Variants in AGBL1 observed in about 807,000 individuals in gnomAD.
The protein encoded by AGBL1 is cytosolic carboxypeptidase 4.
AGBL1 carries 130 observed loss-of-function variants against 118.9 expected under a neutral mutation model. That is an observed-to-expected ratio of 1.09 (90% CI 0.95 to 1.26). AGBL1 has a LOEUF of 1.26. Among genes scored for constraint, AGBL1 ranks in the 50% most tolerant of loss-of-function variants. The pLI is 0.00. For missense variants in AGBL1, 1,584 were observed against 1,298.1 expected (o/e 1.22, Z -3.38); for synonymous variants, 555 against 478.9 (o/e 1.16, Z -2.08).
At chr15:86,271,470 A>ACCCCAT in intron 14 of AGBL1, 149 bp from the exon 15 acceptor site, 1 of 661,066 alleles carries the variant, frequency 1.5e-6, no homozygotes, top group Non-Finnish European at 2.7e-6. Context: ...AAGATCCTTA[A>ACCCCAT]CTTAATCATA....
At chr15:86,517,797 C>A (rs1376309815) in intron 18 of AGBL1, among the ~76,000 whole-genome samples, 1 of 149,250 alleles carries the variant, frequency 6.7e-6, no homozygotes, top group Non-Finnish European at 1.5e-5. Flanking sequence ...TTGGTTTTTT[C>A]CTCTTTTTTC....
chr15:86,105,304 T>G (rs1896991801), intron 1 of AGBL1: 2 of 152,230 alleles, frequency 1.3e-5, no homozygotes, highest in South Asian at 4.1e-4. Flanking sequence ...TGCAGTCACC[T>G]AAGCTAAGTA....
intron 21 of AGBL1, among the ~76,000 whole-genome samples, chr15:86,624,388 A>C (rs746303053): frequency 1.5e-4 from 23 of 152,194 alleles, no homozygotes; most frequent in Non-Finnish European, 3.2e-4. Flanking sequence ...ATGCAGTAAC[A>C]TTTATTGAGC....
chr15:86,732,283 G>A (rs138454395), intron 22 of AGBL1, among the ~76,000 whole-genome samples: 398 of 152,312 alleles, frequency 2.6e-3, no homozygotes, highest in African/African-American at 9.1e-3. Flanking sequence ...ATTTGTTTAT[G>A]TGATGTTTTC....
intron 22 of AGBL1, among the ~76,000 whole-genome samples, chr15:86,720,887 T>C (rs919449481): frequency 6.6e-6 from 1 of 152,090 alleles, no homozygotes; most frequent in African/African-American, 2.4e-5. Context: ...ACAAATAAAC[T>C]GGAAAATCTA....
intron 22 of AGBL1, among the ~76,000 whole-genome samples, chr15:86,681,689 C>T (rs1337783140): frequency 1.3e-5 from 2 of 152,134 alleles, no homozygotes; most frequent in African/African-American, 2.4e-5. Context: ...GTTCTTTAAG[C>T]CCTTTTATGG....
intron 22 of AGBL1, among the ~76,000 whole-genome samples, chr15:86,859,061 G>T (rs2079524999): frequency 6.6e-6 from 1 of 152,188 alleles, no homozygotes; most frequent in Non-Finnish European, 1.5e-5. Context: ...CTCAGCACTA[G>T]CCTGTTTTGC....
At chr15:86,182,855 G>A (rs1041093314) in intron 5 of AGBL1, among the ~76,000 whole-genome samples, 1 of 152,152 alleles carries the variant, frequency 6.6e-6, no homozygotes. Flanking sequence ...CAGTTTACAT[G>A]TGGCGTTTGC....
chr15:86,636,754 TATATACAC>T (rs2085100579), intron 21 of AGBL1, among the ~76,000 whole-genome samples: 2 of 51,552 alleles, frequency 3.9e-5, no homozygotes, highest in Admixed American at 1.8e-4. Flanking sequence ...TATATATATA[TATATACAC>T]ATACATACAG....
intron 22 of AGBL1, among the ~76,000 whole-genome samples, chr15:86,864,664 C>T (rs2079600849): frequency 6.6e-6 from 1 of 152,134 alleles, no homozygotes; most frequent in South Asian, 2.1e-4. Context: ...TGTCATGACT[C>T]TTTCATGAAT....
intron 18 of AGBL1, among the ~76,000 whole-genome samples, chr15:86,482,484 A>G (rs2142126038): frequency 6.6e-6 from 1 of 152,274 alleles, no homozygotes; most frequent in African/African-American, 2.4e-5. Context: ...ATTTCCCATA[A>G]TCTATTCTGA....
At chr15:86,864,936 C>T (rs1029160123) in intron 22 of AGBL1, among the ~76,000 whole-genome samples, 18 of 152,176 alleles carry the variant, frequency 1.2e-4, no homozygotes, top group African/African-American at 4.3e-4. Context: ...TTTTTCAGAG[C>T]ACTTATCACA....
At chr15:86,452,936 A>C (rs893902902) in intron 18 of AGBL1, among the ~76,000 whole-genome samples, 1 of 152,152 alleles carries the variant, frequency 6.6e-6, no homozygotes, top group Admixed American at 6.5e-5. Context: ...GCTCAATAAT[A>C]ACCTAATTAG....
At chr15:86,810,608 G>A (rs1322326223) in intron 22 of AGBL1, among the ~76,000 whole-genome samples, 1 of 152,074 alleles carries the variant, frequency 6.6e-6, no homozygotes, top group East Asian at 1.9e-4. Context: ...AGTCTCCAGT[G>A]TTTCTTTGAT....
At chr15:86,761,886 A>G (rs1343852409) in intron 22 of AGBL1, among the ~76,000 whole-genome samples, 7 of 151,980 alleles carry the variant, frequency 4.6e-5, no homozygotes, top group Non-Finnish European at 8.8e-5. Flanking sequence ...GGTTTTGGCA[A>G]TTTCATCATA....
chr15:86,834,824 C>T (rs553948183), intron 22 of AGBL1, among the ~76,000 whole-genome samples: 4 of 152,182 alleles, frequency 2.6e-5, no homozygotes, highest in Non-Finnish European at 5.9e-5. Flanking sequence ...ATGAGACCTA[C>T]ATGGCATGCA....
chr15:86,813,255 G>C (rs1284010733), intron 22 of AGBL1, among the ~76,000 whole-genome samples: 1 of 152,048 alleles, frequency 6.6e-6, no homozygotes, highest in Non-Finnish European at 1.5e-5. Context: ...TCAGTCCAAA[G>C]GGCCTTGAGT....
At chr15:86,181,656 G>T (rs1478024763) in intron 5 of AGBL1, among the ~76,000 whole-genome samples, 1 of 151,856 alleles carries the variant, frequency 6.6e-6, no homozygotes, top group East Asian at 1.9e-4. Flanking sequence ...TTTTAAATGT[G>T]TATAACTTAT....
At chr15:86,918,241 T>C (rs540951624), downstream of AGBL1, among the ~76,000 whole-genome samples, 13 of 152,350 alleles carry the variant, frequency 8.5e-5, no homozygotes, top group South Asian at 1.9e-3. Flanking sequence ...ACTATTATGA[T>C]ACCCATTTTA....
Sources: gnomAD v4.1 joint callset for allele counts (sites outside exome capture counted in the v4.1 genomes callset) on GRCh38, gnomAD v4.1.1 for gene constraint, MANE v1.5 for transcripts, NCBI Gene and HGNC (gene_info 2026-07-23, HGNC 2026-07-21) for gene names.